The following CDC14B variants were observed in gnomAD, a reference collection of about 807,000 sequenced individuals.
The protein encoded by CDC14B is cell division cycle 14B.
In CDC14B, 22 loss-of-function variants were observed where a neutral mutation model predicts 64.2. That is an observed-to-expected ratio of 0.34 (90% CI 0.24 to 0.49). The LOEUF (loss-of-function observed/expected upper bound fraction) is 0.49. CDC14B is among the 20% of genes least tolerant of loss of function. The pLI is 0.99. For missense variants in CDC14B, 498 were observed against 629.9 expected (o/e 0.79, Z 2.24); for synonymous variants, 191 against 215.8 (o/e 0.89, Z 1.01).
intron 13 of CDC14B, among the ~76,000 whole-genome samples, chr9:96,504,264 T>C (rs1833829369): frequency 6.6e-6 from 1 of 152,110 alleles, no homozygotes; most frequent in Non-Finnish European, 1.5e-5. Context: ...CCTAAGCGGC[T>C]TCCAGCTCCA....
intron 1 of CDC14B, among the ~76,000 whole-genome samples, chr9:96,596,663 C>T (rs958759512): frequency 2.6e-5 from 4 of 151,948 alleles, no homozygotes; most frequent in Non-Finnish European, 5.9e-5. Flanking sequence ...AAGTTGGAGA[C>T]CAGCCTGGAT....
chr9:96,544,667 C>T (rs745765609), intron 5 of CDC14B, among the ~76,000 whole-genome samples: 31 of 151,852 alleles, frequency 2.0e-4, no homozygotes, highest in African/African-American at 9.7e-5. Flanking sequence ...GCTAAGTTTT[C>T]GTATTTTTTG....
chr9:96,494,124 C>G (rs1017038779), intron 13 of CDC14B, among the ~76,000 whole-genome samples: 1 of 152,190 alleles, frequency 6.6e-6, no homozygotes, highest in African/African-American at 2.4e-5. Context: ...TACAGTCAGG[C>G]AAGGACGCTG....
intron 13 of CDC14B, among the ~76,000 whole-genome samples, chr9:96,494,013 T>C (rs766135052): frequency 6.6e-6 from 1 of 152,190 alleles, no homozygotes; most frequent in Non-Finnish European, 1.5e-5. Context: ...CCCCTCCTCC[T>C]ACCCGCTTTC....
chr9:96,552,377 C>T (rs929664629), intron 4 of CDC14B, among the ~76,000 whole-genome samples: 1 of 152,204 alleles, frequency 6.6e-6, no homozygotes, highest in Non-Finnish European at 1.5e-5. Context: ...TTTCGACGCT[C>T]ATTGACTTCT....
At chr9:96,491,076 C>G (rs779682284) in exon 14 of CDC14B, 3 of 152,422 alleles carry the variant, frequency 2.0e-5, no homozygotes, top group Non-Finnish European at 4.4e-5. Context: ...GGAACACACA[C>G]TGTGCTGGGG....
At chr9:96,582,594 T>C (rs1845219257) in intron 1 of CDC14B, among the ~76,000 whole-genome samples, 7 of 152,198 alleles carry the variant, frequency 4.6e-5, no homozygotes, top group Admixed American at 2.6e-4. Flanking sequence ...TCTCCTTTGT[T>C]TGGTGTACTT....
rs186882399 is a variant in CDC14B at position 96,587,088 on chromosome 9, G to A, written c.161-21605C>T. On this transcript the variant is annotated intron_variant, in intron 1 of 13. Transcript: ENST00000375241. ...CTCAGGAGGCTGAGGCAGGACAATCGCTTGAACCCAGGAAGCGGTGGCTGC... is the reference window on the plus strand; with the variant it reads ...CTCAGGAGGCTGAGGCAGGACAATCACTTGAACCCAGGAAGCGGTGGCTGC... Among the ~76,000 whole-genome samples, 14 of 152,180 alleles carry A rather than the reference G, an allele frequency of 9.2e-5. No individual in the cohort carries two copies. The East Asian group carries it at 2.5e-3, about 27-fold the overall frequency.
At chr9:96,508,253 T>A (rs1834431798) in intron 13 of CDC14B, among the ~76,000 whole-genome samples, 1 of 152,096 alleles carries the variant, frequency 6.6e-6, no homozygotes. Flanking sequence ...TGACCTCAAG[T>A]GGTCCACCTG....
rs776677638 is a variant in CDC14B at position 96,512,326 on chromosome 9, CT to C, written c.1344-2538del. 4.7e-3 allele frequency among the ~76,000 whole-genome samples: 618 copies of C among 131,994 alleles called. 1 individual carries two copies. The highest frequency in any genetic ancestry group is 0.015 in the Middle Eastern group (4 of 260). The allele number at this position is 131,994 out of a possible 152,430, so 86.6% of individuals were successfully genotyped here. On this transcript the variant is annotated intron_variant, in intron 12 of 13. Coordinates refer to ENST00000375241, the MANE Select transcript of CDC14B (RefSeq NM_033331.4). ...AGGAATTGTTTTTAAAATTTTTTTTCTTTTTTTTTTTTTTTTTAAGAGACAG... is the reference window on the plus strand; with the variant it reads ...AGGAATTGTTTTTAAAATTTTTTTTCTTTTTTTTTTTTTTTTAAGAGACAG...
At chr9:96,494,821 C>T (rs1373244541) in intron 13 of CDC14B, among the ~76,000 whole-genome samples, 3 of 119,348 alleles carry the variant, frequency 2.5e-5, no homozygotes, top group Admixed American at 1.6e-4. Flanking sequence ...CGTCCCATCC[C>T]GTCTCCCCTC....
chr9:96,588,782 A>G (rs778394449), intron 1 of CDC14B, among the ~76,000 whole-genome samples: 17 of 152,190 alleles, frequency 1.1e-4, no homozygotes, highest in Non-Finnish European at 2.2e-4. Flanking sequence ...CCAAATTTGT[A>G]GTTTTTAAAA....
chr9:96,536,440 G>A (rs916531865), intron 7 of CDC14B, among the ~76,000 whole-genome samples: 1 of 152,126 alleles, frequency 6.6e-6, no homozygotes. Context: ...TTAAGGACAA[G>A]CGCAAAAAAG....
At chr9:96,543,082 A>G (rs1001188706) in intron 5 of CDC14B, among the ~76,000 whole-genome samples, 1 of 152,090 alleles carries the variant, frequency 6.6e-6, no homozygotes, top group Non-Finnish European at 1.5e-5. Flanking sequence ...AACGCCTGTA[A>G]TCCCACCACT....
chr9:96,579,821 C>T (rs1039809692), intron 1 of CDC14B, among the ~76,000 whole-genome samples: 2 of 152,072 alleles, frequency 1.3e-5, no homozygotes, highest in African/African-American at 4.8e-5. Flanking sequence ...GTCACAGCAG[C>T]CCTAGATGAC....
rs202193145 is a variant in CDC14B at position 96,551,111 on chromosome 9, C to CTTTTTTTTTTTTTTTTTTTTTTTTTTT, written c.497+684_497+685insAAAAAAAAAAAAAAAAAAAAAAAAAAA. On this transcript the variant is annotated intron_variant, in intron 5 of 13. Transcript: ENST00000375241. ...TACAAAGCCTAGGTTTTGGGGTTTG[C>CTTTTTTTTTTTTTTTTTTTTTTTTTTT]TTTTTTTTTTTTTTTTTTTGAGACA... is the stretch of plus-strand genomic sequence containing the variant. 2.7e-4 allele frequency among the ~76,000 whole-genome samples: 25 copies of CTTTTTTTTTTTTTTTTTTTTTTTTTTT among 93,294 alleles called. 1 individual carries two copies. The highest frequency in any genetic ancestry group is 5.4e-4 in the African/African-American group (11 of 20,380). 61.2% of individuals were successfully genotyped at this position (93,294 alleles called of 152,430 possible).
chr9:96,569,006 T>C (rs1043788042), intron 1 of CDC14B, among the ~76,000 whole-genome samples: 8 of 152,164 alleles, frequency 5.3e-5, no homozygotes, highest in Non-Finnish European at 1.2e-4. Context: ...GTTTAAATCC[T>C]ATATACACAT....
chr9:96,589,951 A>T (rs1845683170), intron 1 of CDC14B, among the ~76,000 whole-genome samples: 1 of 149,718 alleles, frequency 6.7e-6, no homozygotes, highest in Non-Finnish European at 1.5e-5. Flanking sequence ...ACAGAGCAAG[A>T]CTCCATCTCA....
intron 1 of CDC14B, among the ~76,000 whole-genome samples, chr9:96,607,592 T>A (rs984194222): frequency 6.6e-6 from 1 of 151,910 alleles, no homozygotes; most frequent in African/African-American, 2.4e-5. Context: ...GGCTAATTTT[T>A]TTTTGCATTT....
Sources: gnomAD v4.1 joint callset for allele counts (sites outside exome capture counted in the v4.1 genomes callset) on GRCh38, gnomAD v4.1.1 for gene constraint, MANE v1.5 for transcripts, NCBI Gene and HGNC (gene_info 2026-07-23, HGNC 2026-07-21) for gene names.